TTN: variants seen among roughly 807,000 people sequenced by gnomAD.
The protein encoded by TTN is titin, also known as connectin.
Under a neutral mutation model 3,223.0 loss-of-function variants are expected in TTN, and 1,525 were observed. That is an observed-to-expected ratio of 0.47 (90% CI 0.45 to 0.49). The LOEUF (loss-of-function observed/expected upper bound fraction) is 0.49, where lower values mean the gene tolerates loss of function less well. TTN is among the 20% of genes least tolerant of loss of function. The pLI is 0.00. For missense variants in TTN, 40,786 were observed against 43,424.0 expected (o/e 0.94, Z 5.40); for synonymous variants, 14,094 against 15,161.0 (o/e 0.93, Z 5.17).
Position 178,689,871 on chromosome 2 carries a change from G to T in TTN, c.31788C>A (p.Val10596=), listed in dbSNP as rs2071897899. ...PKVPEVPKKP[V]PEEKIPVPVA... Reference sequence around the variant, plus strand: ...CAGGAACGGGAATCTTTTCTTCAGGGACAGGTTTCTTTGGCACCTCTGGGA... The same window carrying T: ...CAGGAACGGGAATCTTTTCTTCAGGTACAGGTTTCTTTGGCACCTCTGGGA... The change falls in exon 122 of 363, where the codon GTC becomes GTA. Residue 10596 remains valine (V), a synonymous_variant. Transcript: ENST00000589042. 6.2e-7 allele frequency: 1 copy of T among 1,613,392 alleles called. No individual in the cohort carries two copies. Among genetic ancestry groups the T allele is most frequent in the Non-Finnish European group, 8.5e-7 (1 of 1,179,596 alleles).
In TTN at chr2:178,556,954, C is replaced by G; in HGVS notation, c.88200G>C (p.Leu29400Phe). Reference sequence around the variant, plus strand: ...GGAATTCATACTGGGAATTCTGAGTCAAGCCAGAGATGATGAATTGAGTTT... The same window carrying G: ...GGAATTCATACTGGGAATTCTGAGTGAAGCCAGAGATGATGAATTGAGTTT... ...VTETQFIISG[L>F]TQNSQYEFRV... Residue 29400 changes from leucine to phenylalanine, a missense_variant, in exon 330 of 363, where the codon TTG (leucine) becomes TTC (phenylalanine). By Grantham distance (22) the Leu-to-Phe change is conservative (BLOSUM62 0). Coordinates refer to ENST00000589042, the MANE Select transcript of TTN (RefSeq NM_001267550.2). The G allele has an allele frequency of 6.2e-7, 1 of 1,613,800 alleles. No individual in the cohort carries two copies. Among genetic ancestry groups the G allele is most frequent in the South Asian group, 1.1e-5 (1 of 91,082 alleles).
intron 47 of TTN, chr2:178,747,715 G>A (rs1424366243): frequency 6.2e-7 from 1 of 1,611,858 alleles, no homozygotes; most frequent in Non-Finnish European, 8.5e-7. Context: ...CTGCCTCAGT[G>A]GTATGTGCCT....
At chr2:178,643,172 T>C (rs1291166924) in intron 218 of TTN, among the ~76,000 whole-genome samples, 1 of 152,006 alleles carries the variant, frequency 6.6e-6, no homozygotes, top group Non-Finnish European at 1.5e-5. Flanking sequence ...TATTTATTTG[T>C]ATTGTGTAAC....
rs2055393436 is a variant in TTN at position 178,608,208 on chromosome 2, A to C, written c.52675T>G (p.Ser17559Ala). The change falls in exon 275 of 363, where the codon TCA (serine) becomes GCA (alanine). Residue 17559 changes from serine to alanine, a missense_variant. Coordinates refer to ENST00000589042, the MANE Select transcript of TTN (RefSeq NM_001267550.2). ...AAGPGKFSPP[S>A]DPKTAHDPIS... ...GGATCATGTGCTGTTTTGGGATCTG[A>C]AGGTGGACTGAACTTTCCAGGTCCA... 6.2e-6 allele frequency: 10 copies of C among 1,604,396 alleles called. No homozygotes were observed. Among genetic ancestry groups the C allele is most frequent in the Non-Finnish European group, 8.5e-6 (10 of 1,174,824 alleles).
rs779405672 is a variant in TTN, at chr2:178,727,324, C to T, written c.20041G>A (p.Ala6681Thr). 11 of 1,609,954 alleles carry T rather than the reference C, an allele frequency of 6.8e-6. No individual in the cohort carries two copies. The highest frequency in any genetic ancestry group is 1.7e-4 in the Middle Eastern group (1 of 6,060). The change falls in exon 69 of 363, where the codon GCA (alanine) becomes ACA (threonine). Residue 6681 changes from alanine (A) to threonine (T), a missense_variant. By Grantham distance (58) the Ala-to-Thr change is moderately conservative. Transcript: ENST00000589042. The part of the protein sequence containing the change: ...KKLEASKIVK[A>T]GDSSRLECKI... ...CATTCAAGTCGTGAAGAGTCACCTG[C>T]TTTCACAATTTTGGAGGCTTCTAAT...
Position 178,722,952 on chromosome 2 carries a change from C to T in TTN, c.21962-15G>A, listed in dbSNP as rs369307143. On this transcript the variant is annotated splice_polypyrimidine_tract_variant and intron_variant, in intron 75 of 362. Coordinates refer to ENST00000589042, the MANE Select transcript of TTN (RefSeq NM_001267550.2). Reference sequence around the variant, plus strand: ...ATAAGGCGGTTCTAAGGAAGAAAGGCTCACAGTTAGCAACTGGAATTAATG... The same window carrying T: ...ATAAGGCGGTTCTAAGGAAGAAAGGTTCACAGTTAGCAACTGGAATTAATG... 2.2e-5 allele frequency: 35 copies of T among 1,602,770 alleles called. No individual in the cohort carries two copies. The highest frequency in any genetic ancestry group is 2.6e-5 in the Non-Finnish European group (31 of 1,175,126).
In TTN at chr2:178,688,102, A is replaced by G. The variant is rs573677447; in HGVS notation, c.32311+9T>C. On this transcript the variant is annotated intron_variant, in intron 127 of 362. Coordinates refer to ENST00000589042, the MANE Select transcript of TTN (RefSeq NM_001267550.2). ...CCCAGATCATCTCTAGCTTATTTGC[A>G]TTGTTTACCTTCATATTCTGTAACC... 7.0e-5 allele frequency: 113 copies of G among 1,608,796 alleles called. No homozygotes were observed. The highest frequency in any genetic ancestry group is 6.6e-4 in the Middle Eastern group (4 of 6,074).
At chr2:178,610,483 T>G in intron 270 of TTN, 94 bp from the exon 271 acceptor site, 5 of 1,360,304 alleles carry the variant, frequency 3.7e-6, no homozygotes, top group Non-Finnish European at 5.1e-6. Context: ...GTATTTTGGG[T>G]AGGATAATCT....
chr2:178,616,252 A>G (rs1019907260), intron 257 of TTN, among the ~76,000 whole-genome samples: 6 of 151,408 alleles, frequency 4.0e-5, no homozygotes, highest in African/African-American at 1.2e-4. Flanking sequence ...TTTTTTTATT[A>G]CAAATTTGGT....
At chr2:178,597,427 G>T in intron 294 of TTN, 111 bp downstream of exon 294, 1 of 1,284,050 alleles carries the variant, frequency 7.8e-7, no homozygotes, top group Non-Finnish European at 1.1e-6. Context: ...GATTATGGGT[G>T]ATTTTTCTTA....
In TTN at chr2:178,709,767, C is replaced by A; in HGVS notation, c.28552G>T (p.Ala9518Ser). Residue 9518 changes from alanine to serine, a missense_variant, in exon 99 of 363, where the codon GCT (alanine) becomes TCT (serine). Physicochemically the swap from Ala to Ser is moderately conservative, Grantham distance 99. Coordinates refer to ENST00000589042, the MANE Select transcript of TTN (RefSeq NM_001267550.2). ...GCAACAGTTATAGGTTGGGAACCAG[C>A]CACACGTCCCTCAAGTTTGAAAGAA... is the stretch of plus-strand genomic sequence containing the variant. ...GNSFKLEGRV[A>S]GSQPITVAWY... 6.2e-7 allele frequency: 1 copy of A among 1,613,830 alleles called. No individual in the cohort carries two copies. The highest frequency in any genetic ancestry group is 8.5e-7 in the Non-Finnish European group (1 of 1,179,818).
Position 178,527,737 on chromosome 2 carries a change from C to T in TTN, c.107389G>A (p.Glu35797Lys). 6.3e-7 allele frequency: 1 copy of T among 1,596,980 alleles called. No homozygotes were observed. Among genetic ancestry groups the T allele is most frequent in the Non-Finnish European group, 8.6e-7 (1 of 1,169,430 alleles). ...ASLMVLPLVE[E>K]PSREVVLRTS... is the part of the protein sequence containing the mutation. The stretch of plus-strand genomic sequence containing the variant: ...CTCAATACTACCTCTCTGGAAGGTT[C>T]TTCAACTAGAGCTGTGGAGCATAGC... Residue 35797 changes from glutamate to lysine, a missense_variant, in exon 362 of 363, where the codon GAA becomes AAA. Physicochemically the swap from Glu to Lys is moderately conservative, Grantham distance 56. Transcript: ENST00000589042.
chr2:178,560,765 C>T lies in TTN; in HGVS notation c.85367G>A (p.Gly28456Glu). The change falls in exon 326 of 363, where the codon GGA (glycine) becomes GAA (glutamate). Residue 28456 changes from glycine (G) to glutamate (E), a missense_variant. By Grantham distance (98) the Gly-to-Glu change is moderately conservative (BLOSUM62 -2). Coordinates refer to ENST00000589042, the MANE Select transcript of TTN (RefSeq NM_001267550.2). Reference sequence around the variant, plus strand: ...AGTGAGGCCATTTATTTCAAGTGGTCCTGCTGGTGGACCAGGCTTATCAAG... The same window carrying T: ...AGTGAGGCCATTTATTTCAAGTGGTTCTGCTGGTGGACCAGGCTTATCAAG... ...KVLDKPGPPAGPLEINGLTAE... is the reference protein window; with the variant it reads ...KVLDKPGPPAEPLEINGLTAE... 1 of 1,613,730 alleles carries T rather than the reference C, an allele frequency of 6.2e-7. No individual in the cohort carries two copies. Among genetic ancestry groups the T allele is most frequent in the Non-Finnish European group, 8.5e-7 (1 of 1,179,802 alleles).
Position 178,557,648 on chromosome 2 carries a change from T to C in TTN, c.87706A>G (p.Thr29236Ala), listed in dbSNP as rs756116693. The C allele has an allele frequency of 5.0e-6, 8 of 1,613,602 alleles. No homozygotes were observed. The highest frequency in any genetic ancestry group is 6.8e-6 in the Non-Finnish European group (8 of 1,179,748). Residue 29236 changes from threonine to alanine, a missense_variant and splice_region_variant, in exon 328 of 363, where the codon ACA becomes GCA. Coordinates refer to ENST00000589042, the MANE Select transcript of TTN (RefSeq NM_001267550.2). ...ATCTTTGAAAAGTTGGACAACTTAC[T>C]GTATGGTAGTTTGACAGTCACACAA... Reference protein sequence around the residue: ...SACVTVKLPYTTPGPPSTPWV... With the variant: ...SACVTVKLPYATPGPPSTPWV...
intron 260 of TTN, 35 bp from the exon 261 acceptor site, chr2:178,614,788 G>T: frequency 6.3e-7 from 1 of 1,599,818 alleles, no homozygotes. Context: ...ATGTTATCAA[G>T]TTCAAGCAGA....
chr2:178,611,533 C>G lies in TTN; in HGVS notation c.50696G>C (p.Trp16899Ser). 1.2e-6 allele frequency: 2 copies of G among 1,613,054 alleles called. No individual in the cohort carries two copies. The highest frequency in any genetic ancestry group is 1.7e-6 in the Non-Finnish European group (2 of 1,179,296). ...VEMCPVGTEK[W>S]MRVNSRPIKD... is the part of the protein sequence containing the mutation. ...TATTGGGCGAGAATTAACTCTCATCCATTTCTCAGTGCCTACTGGACACAT... is the reference window on the plus strand; with the variant it reads ...TATTGGGCGAGAATTAACTCTCATCGATTTCTCAGTGCCTACTGGACACAT... Residue 16899 changes from tryptophan (W) to serine (S), a missense_variant, in exon 269 of 363, where the codon TGG (tryptophan) becomes TCG (serine). Physicochemically the swap from Trp to Ser is radical, Grantham distance 177 (BLOSUM62 -3). Coordinates refer to ENST00000589042, the MANE Select transcript of TTN (RefSeq NM_001267550.2).
At chr2:178,639,964 C>T in intron 222 of TTN, 84 bp downstream of exon 222, 1 of 1,530,142 alleles carries the variant, frequency 6.5e-7, no homozygotes, top group African/African-American at 1.4e-5. Context: ...TACTGACTTT[C>T]ACCTACTATC....
At position 178,748,722 on chromosome 2, in the gene TTN, G is replaced by A. The variant is rs766247442; in HGVS notation, c.11311+4402C>T. On this transcript the variant is annotated intron_variant, in intron 47 of 362. Transcript: ENST00000589042. The stretch of plus-strand genomic sequence containing the variant: ...TGTTCAGCTCTTTTAGAAATTGCAG[G>A]TTTATCTATAAGACTTATTTTTTCC... The A allele has an allele frequency of 5.0e-6, 8 of 1,612,482 alleles. No homozygotes were observed. In the African/African-American group the frequency reaches 1.1e-4, roughly 22 times the overall value.
Position 178,548,361 on chromosome 2 carries a change from G to T in TTN, c.93265C>A (p.Arg31089Ser). 1 of 1,613,822 alleles carries T rather than the reference G, an allele frequency of 6.2e-7. No homozygotes were observed. The highest frequency in any genetic ancestry group is 1.3e-5 in the African/African-American group (1 of 75,020). ...DLAEGVPYYF[R>S]VSAVNEYGVG... ...CCATACTCATTTACTGCAGAAACAC[G>T]GAAATAGTACGGAACACCTTCGGCC... The change falls in exon 339 of 363, where the codon CGT becomes AGT. Residue 31089 changes from arginine to serine, a missense_variant. Physicochemically the swap from Arg to Ser is moderately radical, Grantham distance 110 (BLOSUM62 -1). Coordinates refer to ENST00000589042, the MANE Select transcript of TTN (RefSeq NM_001267550.2). The surrounding 1 kb of genome is among the most constrained non-coding windows in gnomAD (Gnocchi z 4.3).
Sources: gnomAD v4.1 joint callset for allele counts (sites outside exome capture counted in the v4.1 genomes callset) on GRCh38, gnomAD v4.1.1 for gene constraint, Gnocchi (gnomAD v3.1) non-coding constraint, MANE v1.5 for transcripts, NCBI Gene and HGNC (gene_info 2026-07-23, HGNC 2026-07-21) for gene names.